The following LDLRAP1 variants were observed in gnomAD, a reference collection of about 807,000 sequenced individuals.
LDLRAP1 encodes the protein low density lipoprotein receptor adaptor protein 1, also known as low density lipoprotein receptor adapter protein 1.
In LDLRAP1, 30 loss-of-function variants were observed where a neutral mutation model predicts 37.8. The ratio of observed to expected loss-of-function variants is 0.79; its 90% CI spans 0.59 to 1.08. The LOEUF (loss-of-function observed/expected upper bound fraction) is 1.08. Among genes scored for constraint, LDLRAP1 ranks in the 50% least tolerant of loss-of-function variants. LDLRAP1 has a pLI of 0.00. For synonymous variants in LDLRAP1, 156 were observed against 169.8 expected, an observed-to-expected ratio of 0.92 and a Z score of 0.63; for missense variants, 375 against 401.6, an observed-to-expected ratio of 0.93 and a Z score of 0.57.
downstream of LDLRAP1, among the ~76,000 whole-genome samples, chr1:25,571,428 C>T (rs2044603624): frequency 6.6e-6 from 1 of 152,228 alleles, no homozygotes; most frequent in Non-Finnish European, 1.5e-5. Flanking sequence ...GAGAAGGAAG[C>T]CTTCCTCTGG....
chr1:25,562,158 C>T (rs2044357635), intron 4 of LDLRAP1, among the ~76,000 whole-genome samples: 1 of 152,254 alleles, frequency 6.6e-6, no homozygotes, highest in Admixed American at 6.5e-5. Context: ...ACCTAACTTT[C>T]ACCTCTCTGG....
At position 25,543,740 on chromosome 1, in the gene LDLRAP1, C is replaced by T. The variant is rs2043857982; in HGVS notation, c.42C>T (p.Ser14=). The change falls in exon 1 of 9, where the codon AGC becomes AGT. Residue 14 remains serine, a synonymous_variant. Transcript: ENST00000374338. ...CGGCGGGGCGGGCGCTGATCCGGAG[C>T]CCCAGCTTGGCCAAGCAGAGCTGGG... is the stretch of plus-strand genomic sequence containing the variant. The part of the protein sequence containing the change: ...LKSAGRALIR[S]PSLAKQSWGG... 1.6e-6 allele frequency: 2 copies of T among 1,212,562 alleles called. No homozygotes were observed. Among genetic ancestry groups the T allele is most frequent in the Non-Finnish European group, 1.0e-6 (1 of 975,690 alleles). The allele number at this position is 1,212,562 out of a possible 1,614,324, so 75.1% of individuals were successfully genotyped here.
At chr1:25,572,004 G>T (rs954736586), downstream of LDLRAP1, among the ~76,000 whole-genome samples, 5 of 152,314 alleles carry the variant, frequency 3.3e-5, no homozygotes, top group South Asian at 8.3e-4. Flanking sequence ...CTTGCAGTAG[G>T]CCAGCGGGAC....
chr1:25,544,456 G>A lies in LDLRAP1; in HGVS notation c.88+670G>A, dbSNP rs1018957001. On this transcript the variant is annotated intron_variant, in intron 1 of 8. Coordinates refer to ENST00000374338, the MANE Select transcript of LDLRAP1 (RefSeq NM_015627.3). The surrounding 1 kb of genome is among the most constrained non-coding windows in gnomAD (Gnocchi z 4.8). The stretch of plus-strand genomic sequence containing the variant: ...CTAGCCGGGTCCAGGTGGCAAGCCT[G>A]GCGTCCCGACTATTTTTGAAACCTG... 6.6e-6 allele frequency among the ~76,000 whole-genome samples: 1 copy of A among 152,216 alleles called. No homozygotes were observed. Among genetic ancestry groups the A allele is most frequent in the African/African-American group, 2.4e-5 (1 of 41,464 alleles).
At chr1:25,577,525 T>C in the LDLRAP1 span, among the ~76,000 whole-genome samples, 1 of 152,168 alleles carries the variant, frequency 6.6e-6, no homozygotes, top group Non-Finnish European at 1.5e-5. Flanking sequence ...CAGAGTCACA[T>C]GCCAGCCAGA....
At chr1:25,575,294 T>A in the LDLRAP1 span, among the ~76,000 whole-genome samples, 1 of 151,948 alleles carries the variant, frequency 6.6e-6, no homozygotes, top group Non-Finnish European at 1.5e-5. Context: ...TGGGTTCAAA[T>A]CCCACTTTTG....
intron 1 of LDLRAP1, among the ~76,000 whole-genome samples, chr1:25,551,585 T>C (rs1359166766): frequency 6.6e-6 from 1 of 152,226 alleles, no homozygotes; most frequent in Admixed American, 6.5e-5. Context: ...ATTCTGAACT[T>C]GAGAGCAGGG....
rs2124688803 is a variant in LDLRAP1 at position 25,562,682 on chromosome 1, A to G, written c.498A>G (p.Lys166=). 1 of 1,614,216 alleles carries G rather than the reference A, an allele frequency of 6.2e-7. No homozygotes were observed. The highest frequency in any genetic ancestry group is 1.1e-5 in the South Asian group (1 of 91,088). The change falls in exon 5 of 9, where the codon AAA becomes AAG. Residue 166 remains lysine, a synonymous_variant. Coordinates refer to ENST00000374338, the MANE Select transcript of LDLRAP1 (RefSeq NM_015627.3). ...AVTLTVAQAF[K]VAFEFWQVSK... is the part of the protein sequence containing the mutation. The stretch of plus-strand genomic sequence containing the variant: ...CCCTCACCGTAGCCCAGGCCTTCAA[A>G]GTCGCCTTTGAGTTTTGGCAGGTGT...
rs2044556622 is a variant in LDLRAP1, at chr1:25,568,878, G to A, written c.*1886G>A. 1 of 152,240 alleles carries A rather than the reference G, an allele frequency of 6.6e-6. No individual in the cohort carries two copies. The highest frequency in any genetic ancestry group is 1.5e-5 in the Non-Finnish European group (1 of 68,038). The allele number at this position is 152,240 out of a possible 1,614,324, so 9.4% of individuals were successfully genotyped here. A position where few individuals can be genotyped will look rare whatever the true frequency, so the allele number is the denominator to read the frequency against. On this transcript the variant is annotated 3_prime_UTR_variant, in exon 9 of 9. Transcript: ENST00000374338. The stretch of plus-strand genomic sequence containing the variant: ...AACAAATAATAAATGTTCTCGTTTT[G>A]AAACTCAAGCAACGCTCATCAGGTG...
chr1:25,572,120 AC>A (rs928661302), downstream of LDLRAP1, among the ~76,000 whole-genome samples: 2 of 152,188 alleles, frequency 1.3e-5, no homozygotes, highest in African/African-American at 4.8e-5. Context: ...ATGGTTGGCG[AC>A]TGCATGTGCT....
downstream of LDLRAP1, among the ~76,000 whole-genome samples, chr1:25,570,470 A>G (rs949099171): frequency 6.6e-6 from 1 of 152,116 alleles, no homozygotes; most frequent in Admixed American, 6.5e-5. Flanking sequence ...TGGCTAGGGA[A>G]TAGGGGCAGA....
In LDLRAP1 at chr1:25,563,668, C is replaced by T. The variant is rs1181778376; in HGVS notation, c.624C>T (p.Ala208=). ...DCTPSLKSLV[A]TGNLLDLEET... ...TGACCGGATCCCTCACAGTGGTCGC[C>T]ACTGGGAACCTGCTGGACTTAGAGG... is the stretch of plus-strand genomic sequence containing the variant. The change falls in exon 7 of 9, where the codon GCC becomes GCT. Residue 208 remains alanine, a synonymous_variant. Transcript: ENST00000374338. The T allele has an allele frequency of 6.2e-7, 1 of 1,613,688 alleles. No individual in the cohort carries two copies. The highest frequency in any genetic ancestry group is 1.1e-5 in the South Asian group (1 of 91,084).
chr1:25,552,650 G>A (rs1227407158), intron 1 of LDLRAP1, among the ~76,000 whole-genome samples: 1 of 152,230 alleles, frequency 6.6e-6, no homozygotes, highest in Admixed American at 6.5e-5. Flanking sequence ...AGGTGGAAGT[G>A]TGAGGTGTTC....
chr1:25,581,302 G>T, the LDLRAP1 span, among the ~76,000 whole-genome samples: 1 of 152,144 alleles, frequency 6.6e-6, no homozygotes, highest in African/African-American at 2.4e-5. Context: ...TGGGCCCCTG[G>T]CCTCTTGAGC....
rs1362908840 is a variant in LDLRAP1, at chr1:25,565,179, G to A, written c.754G>A (p.Asp252Asn). 1.2e-5 allele frequency: 19 copies of A among 1,614,198 alleles called. No homozygotes were observed. The highest frequency in any genetic ancestry group is 1.6e-5 in the Non-Finnish European group (19 of 1,180,014). ...CTGCTTTGTTTTCCCCAAGGAGCTGGATGATGGCCTGGATGAAGCGTTTTC... is the reference window on the plus strand; with the variant it reads ...CTGCTTTGTTTTCCCCAAGGAGCTGAATGATGGCCTGGATGAAGCGTTTTC... Reference protein sequence around the residue: ...LSGSSVVWELDDGLDEAFSRL... With the variant: ...LSGSSVVWELNDGLDEAFSRL... The change falls in exon 8 of 9, where the codon GAT becomes AAT. Residue 252 changes from aspartate (D) to asparagine (N), a missense_variant. Transcript: ENST00000374338.
downstream of LDLRAP1, among the ~76,000 whole-genome samples, chr1:25,572,861 C>G (rs892839980): frequency 2.0e-5 from 3 of 152,206 alleles, no homozygotes; most frequent in Admixed American, 1.3e-4. Context: ...CCACTGTCCC[C>G]CTCAAGGACG....
intron 4 of LDLRAP1, among the ~76,000 whole-genome samples, chr1:25,558,061 G>A (rs1237781285): frequency 6.6e-6 from 1 of 152,166 alleles, no homozygotes; most frequent in African/African-American, 2.4e-5. Context: ...TAGCTGGGAT[G>A]AGTGGGAACC....
At position 25,554,153 on chromosome 1, in the gene LDLRAP1, G is replaced by C; in HGVS notation, c.231+89G>C. The C allele has an allele frequency of 2.0e-6, 3 of 1,524,788 alleles. No homozygotes were observed. Among genetic ancestry groups the C allele is most frequent in the Non-Finnish European group, 2.7e-6 (3 of 1,115,238 alleles). The allele number at this position is 1,524,788 out of a possible 1,614,324, so 94.5% of individuals were successfully genotyped here. A position where few individuals can be genotyped will look rare whatever the true frequency, so the allele number is the denominator to read the frequency against. ...GCCCTCGTCCCAGCTTGTTACTCCA[G>C]TTGGGTGTGTCTGAGCCTGGCCCTG... On this transcript the variant is annotated intron_variant, in intron 2 of 8. Transcript: ENST00000374338. The surrounding 1 kb of genome is among the most constrained non-coding windows in gnomAD (Gnocchi z 5.4).
chr1:25,566,971 G>A lies in LDLRAP1; in HGVS notation c.906G>A (p.Gln302=), dbSNP rs777827146. The A allele has an allele frequency of 3.7e-6, 6 of 1,613,390 alleles. No homozygotes were observed. In the Admixed American group the frequency reaches 5.0e-5, roughly 13 times the overall value. ...WDKPDSSGTE[Q]DDLFSF Reference sequence around the variant, plus strand: ...AGCCTGACAGCAGCGGCACAGAGCAGGATGACCTCTTCAGCTTCTGAGGGC... The same window carrying A: ...AGCCTGACAGCAGCGGCACAGAGCAAGATGACCTCTTCAGCTTCTGAGGGC... Residue 302 remains glutamine, a synonymous_variant, in exon 9 of 9, where the codon CAG becomes CAA. Coordinates refer to ENST00000374338, the MANE Select transcript of LDLRAP1 (RefSeq NM_015627.3).
Sources: gnomAD v4.1 joint callset for allele counts (sites outside exome capture counted in the v4.1 genomes callset) on GRCh38, gnomAD v4.1.1 for gene constraint, Gnocchi (gnomAD v3.1) non-coding constraint, MANE v1.5 for transcripts, NCBI Gene and HGNC (gene_info 2026-07-23, HGNC 2026-07-21) for gene names.